RAP1A: variants seen among roughly 807,000 people sequenced by gnomAD.
RAP1A encodes ras-related protein Rap-1A.
In RAP1A, 6 loss-of-function variants were observed where a neutral mutation model predicts 26.4. The observed-to-expected ratio is 0.23, with a 90% CI of 0.12 to 0.45. The LOEUF is 0.45. Ranked by LOEUF, RAP1A falls within the 20% of genes least tolerant of loss-of-function variation. The pLI is 0.99. For synonymous variants in RAP1A, 73 were observed against 79.4 expected (o/e 0.92, Z 0.43); for missense variants, 121 against 217.2 (o/e 0.56, Z 2.78).
intron 1 of RAP1A, among the ~76,000 whole-genome samples, chr1:111,629,155 G>T (rs1329547079): frequency 6.6e-6 from 1 of 152,100 alleles, no homozygotes; most frequent in Non-Finnish European, 1.5e-5. Context: ...GTGAAATACA[G>T]ACTTCTTGTT....
At position 111,622,335 on chromosome 1, in the gene RAP1A, A is replaced by C. The variant is rs1273744303; in HGVS notation, c.-28+2401A>C. ...CTTACAGCTGCCCAGCTATTTCCCTAATCTCAAGCCCCTTTACTTTTCCTC... is the reference window on the plus strand; with the variant it reads ...CTTACAGCTGCCCAGCTATTTCCCTCATCTCAAGCCCCTTTACTTTTCCTC... On this transcript the variant is annotated intron_variant, in intron 1 of 7. Coordinates refer to ENST00000369709, the MANE Select transcript of RAP1A (RefSeq NM_002884.4). 2.0e-5 allele frequency among the ~76,000 whole-genome samples: 3 copies of C among 152,106 alleles called. No homozygotes were observed. The East Asian group carries it at 5.8e-4, about 29-fold the overall frequency.
intron 6 of RAP1A, 148 bp from the exon 7 acceptor site, chr1:111,709,001 A>G: frequency 9.6e-7 from 1 of 1,036,280 alleles, no homozygotes; most frequent in East Asian, 3.0e-5. Context: ...CCTGATTGAA[A>G]GTCAGCAGAG....
At chr1:111,609,688 T>C (rs2101079020) in intron 1 of RAP1A, among the ~76,000 whole-genome samples, 1 of 152,292 alleles carries the variant, frequency 6.6e-6, no homozygotes, top group Non-Finnish European at 1.5e-5. Context: ...AAGGCTGGAG[T>C]GCAGTGGCAT....
At chr1:111,682,525 G>A (rs996068323) in intron 1 of RAP1A, among the ~76,000 whole-genome samples, 2 of 151,424 alleles carry the variant, frequency 1.3e-5, no homozygotes, top group African/African-American at 4.8e-5. Flanking sequence ...AAAAGCGGGG[G>A]TTGCAATCCT....
rs12038204 is a variant in RAP1A, at chr1:111,715,630, A to G, written c.*3229A>G. On this transcript the variant is annotated 3_prime_UTR_variant, in exon 8 of 8. Transcript: ENST00000369709. ...TACTCTCTTCTCCCTACAACTCTGA[A>G]CTAATCTGTGTTTGGCACCTTGATT... is the stretch of plus-strand genomic sequence containing the variant. 0.37 allele frequency: 55,715 copies of G among 152,138 alleles called. 10,833 individuals are homozygous for G. The highest frequency in any genetic ancestry group is 0.5 in the East Asian group (2,570 of 5,176). 9.4% of individuals were successfully genotyped at this position (152,138 alleles called of 1,614,324 possible).
chr1:111,705,095 G>T lies in RAP1A; in HGVS notation c.468+609G>T, dbSNP rs1662147207. Among the ~76,000 whole-genome samples the T allele has an allele frequency of 3.9e-5, 6 of 152,310 alleles. No homozygotes were observed. The South Asian group carries it at 1.2e-3, about 32-fold the overall frequency. Reference sequence around the variant, plus strand: ...GACAAGAATACTTAGCAAATAAGCTGCATGCCTGGGTGTAAAGGGCCAACA... The same window carrying T: ...GACAAGAATACTTAGCAAATAAGCTTCATGCCTGGGTGTAAAGGGCCAACA... On this transcript the variant is annotated intron_variant, in intron 6 of 7. Transcript: ENST00000369709.
chr1:111,580,244 A>T (rs1658228828), intron 1 of RAP1A, among the ~76,000 whole-genome samples: 1 of 152,206 alleles, frequency 6.6e-6, no homozygotes. Flanking sequence ...TATTAGGTAA[A>T]CTAAGGAGAA....
rs973620628 is a variant in RAP1A, at chr1:111,599,298, C to T, written c.-28+56789C>T. Among the ~76,000 whole-genome samples the T allele has an allele frequency of 7.2e-5, 11 of 152,116 alleles. No individual in the cohort carries two copies. In the South Asian group the frequency reaches 1.2e-3, roughly 17 times the overall value. ...TCGGCTCACTGTAACCTCTGCCTCC[C>T]GGGTTCAAGTGATTCTCCTGCTTCA... On this transcript the variant is annotated intron_variant, in intron 1 of 7. Transcript: ENST00000356415.
At chr1:111,692,930 C>G (rs1252435342) in intron 2 of RAP1A, among the ~76,000 whole-genome samples, 1 of 152,108 alleles carries the variant, frequency 6.6e-6, no homozygotes, top group Non-Finnish European at 1.5e-5. Flanking sequence ...ACTGCATAGC[C>G]TTTTGTGCCT....
chr1:111,648,368 G>A (rs1182656398), intron 1 of RAP1A: 1 of 650,902 alleles, frequency 1.5e-6, no homozygotes, highest in Admixed American at 2.0e-5. Flanking sequence ...CTTTTGGATG[G>A]TTCGCATGGA....
chr1:111,620,383 C>T (rs1438118763), intron 1 of RAP1A, among the ~76,000 whole-genome samples: 13 of 152,220 alleles, frequency 8.5e-5, no homozygotes, highest in African/African-American at 2.4e-5. Flanking sequence ...TTGCATGTCC[C>T]CTGTCTAGGG....
Position 111,684,182 on chromosome 1 carries a change from A to G in RAP1A, c.-27-7152A>G, listed in dbSNP as rs1333896807. 3.3e-5 allele frequency among the ~76,000 whole-genome samples: 5 copies of G among 152,364 alleles called. No homozygotes were observed. The East Asian group carries it at 9.6e-4, about 29-fold the overall frequency. On this transcript the variant is annotated intron_variant, in intron 1 of 7. Coordinates refer to ENST00000369709, the MANE Select transcript of RAP1A (RefSeq NM_002884.4). ...TATCCCAAAATAATAAGAGCTATTT[A>G]TGACACACCCACAGCCAGTATCATA... is the stretch of plus-strand genomic sequence containing the variant.
chr1:111,551,766 GT>G (rs56257032), intron 1 of RAP1A, among the ~76,000 whole-genome samples: 4 of 149,248 alleles, frequency 2.7e-5, no homozygotes, highest in South Asian at 2.1e-4. Context: ...GTTTTGTTTT[GT>G]TTTTTTGAGA....
intron 1 of RAP1A, among the ~76,000 whole-genome samples, chr1:111,647,275 C>G (rs552018461): frequency 3.1e-4 from 47 of 152,316 alleles, no homozygotes; most frequent in African/African-American, 1.1e-3. Context: ...GTTGCTGTCT[C>G]CCATCACCCC....
intron 4 of RAP1A, among the ~76,000 whole-genome samples, chr1:111,699,530 C>G (rs564277200): frequency 1.4e-5 from 2 of 143,798 alleles, no homozygotes; most frequent in South Asian, 2.2e-4. Context: ...GGTGTGAACA[C>G]AGATCACTGC....
intron 1 of RAP1A, among the ~76,000 whole-genome samples, chr1:111,584,501 A>G (rs531866928): frequency 5.9e-5 from 9 of 152,252 alleles, no homozygotes; most frequent in African/African-American, 1.2e-4. Flanking sequence ...AGCCTCTTTT[A>G]TAAGGGCACT....
At chr1:111,660,308 TC>T (rs1026895686) in intron 1 of RAP1A, among the ~76,000 whole-genome samples, 5 of 152,074 alleles carry the variant, frequency 3.3e-5, no homozygotes, top group South Asian at 4.1e-4. Context: ...TAAGATGTTT[TC>T]CCCCCCTCTG....
chr1:111,684,787 A>C (rs1286825094), intron 1 of RAP1A, among the ~76,000 whole-genome samples: 1 of 152,208 alleles, frequency 6.6e-6, no homozygotes, highest in African/African-American at 2.4e-5. Context: ...AGCTACTTCA[A>C]ATTTCATATG....
In RAP1A at chr1:111,667,085, G is replaced by A. The variant is rs116692473; in HGVS notation, c.-27-24249G>A. The stretch of plus-strand genomic sequence containing the variant: ...GGCTGCAATGTAGAGGAACTCAAGT[G>A]AGCAACAATGGACTAGTTAAGAGGC... On this transcript the variant is annotated intron_variant, in intron 1 of 7. Transcript: ENST00000369709. Among the ~76,000 whole-genome samples, 1,415 of 152,250 alleles carry A rather than the reference G, an allele frequency of 9.3e-3. 21 individuals carry two copies. Among genetic ancestry groups the A allele is most frequent in the African/African-American group, 0.033 (1,351 of 41,526 alleles).
Sources: gnomAD v4.1 joint callset for allele counts (sites outside exome capture counted in the v4.1 genomes callset) on GRCh38, gnomAD v4.1.1 for gene constraint, MANE v1.5 for transcripts, NCBI Gene and HGNC (gene_info 2026-07-23, HGNC 2026-07-21) for gene names.